GDNF: variants seen among roughly 807,000 people sequenced by gnomAD.
GDNF encodes the protein glial cell derived neurotrophic factor.
Under a neutral mutation model 13.7 loss-of-function variants are expected in GDNF, and 5 were observed. The observed-to-expected ratio is 0.36, with a 90% confidence interval of 0.19 to 0.77. The LOEUF (loss-of-function observed/expected upper bound fraction) is 0.77. Ranked by LOEUF, GDNF falls within the 30% of genes least tolerant of loss-of-function variation. The pLI, the probability that GDNF is intolerant of heterozygous loss-of-function variation, is 0.51. For missense variants in GDNF, 246 were observed against 274.3 expected (o/e 0.90, Z 0.73); for synonymous variants, 122 against 112.5 (o/e 1.08, Z -0.53).
At chr5:37,824,724 C>T (rs1256526013) in intron 2 of GDNF, among the ~76,000 whole-genome samples, 1 of 152,228 alleles carries the variant, frequency 6.6e-6, no homozygotes, top group East Asian at 1.9e-4. Flanking sequence ...ACACAGAATT[C>T]ATCTAGTGTT....
intron 2 of GDNF, among the ~76,000 whole-genome samples, chr5:37,831,472 G>A (rs1006121607): frequency 2.6e-5 from 4 of 152,220 alleles, no homozygotes; most frequent in Non-Finnish European, 5.9e-5. Context: ...TTAGAGTTGA[G>A]ATAAGGAATA....
Position 37,838,385 on chromosome 5 carries a change from G to C in GDNF, c.-27+1122C>G, listed in dbSNP as rs570540899. ...CGGCTTTGACGGCTTTGCGGGACTG[G>C]GTGCGTGAATGAGGTTGGAAGAAAC... is the stretch of plus-strand genomic sequence containing the variant. On this transcript the variant is annotated intron_variant, in intron 1 of 2. Coordinates refer to ENST00000326524, the MANE Select transcript of GDNF (RefSeq NM_000514.4). This position sits in a 1 kb window ranked among gnomAD's most constrained non-coding sequence, Gnocchi z 4.1. 1.3e-4 allele frequency among the ~76,000 whole-genome samples: 20 copies of C among 152,346 alleles called. No homozygotes were observed. Among genetic ancestry groups the C allele is most frequent in the African/African-American group, 4.8e-4 (20 of 41,576 alleles).
chr5:37,831,229 T>C (rs1436654067), intron 2 of GDNF, among the ~76,000 whole-genome samples: 1 of 152,202 alleles, frequency 6.6e-6, no homozygotes, highest in East Asian at 1.9e-4. Flanking sequence ...CTTACTGGAC[T>C]GAGGTTCTTT....
Position 37,814,782 on chromosome 5 carries a change from G to A in GDNF, c.*869C>T, listed in dbSNP as rs1719749519. The A allele has an allele frequency of 6.6e-6, 1 of 152,212 alleles. No homozygotes were observed. The highest frequency in any genetic ancestry group is 2.1e-4 in the South Asian group (1 of 4,836). The allele number at this position is 152,212 out of a possible 1,614,324, so 9.4% of individuals were successfully genotyped here. A position where few individuals can be genotyped will look rare whatever the true frequency, so the allele number is the denominator to read the frequency against. On this transcript the variant is annotated 3_prime_UTR_variant, in exon 3 of 3. Coordinates refer to ENST00000326524, the MANE Select transcript of GDNF (RefSeq NM_000514.4). ...TGGTCACTGGTGACCACGCATCAAC[G>A]GAGCTGGTTATGTAACATCTGTCTC...
chr5:37,827,116 T>C (rs563390280), intron 2 of GDNF, among the ~76,000 whole-genome samples: 1 of 151,648 alleles, frequency 6.6e-6, no homozygotes, highest in East Asian at 1.9e-4. Flanking sequence ...CAAATGTCAA[T>C]GTCATGCGGG....
chr5:37,819,362 G>C (rs955164666), intron 2 of GDNF, among the ~76,000 whole-genome samples: 1 of 151,700 alleles, frequency 6.6e-6, no homozygotes, highest in African/African-American at 2.4e-5. Flanking sequence ...TTAACTCTCA[G>C]TGCCCACCTC....
At position 37,837,440 on chromosome 5, in the gene GDNF, A is replaced by C. The variant is rs1328017944; in HGVS notation, c.-27+2067T>G. Among the ~76,000 whole-genome samples the C allele has an allele frequency of 1.3e-5, 2 of 152,006 alleles. No homozygotes were observed. Among genetic ancestry groups the C allele is most frequent in the Non-Finnish European group, 2.9e-5 (2 of 67,988 alleles). On this transcript the variant is annotated intron_variant, in intron 1 of 2. Coordinates refer to ENST00000326524, the MANE Select transcript of GDNF (RefSeq NM_000514.4). The surrounding 1 kb of genome is among the most constrained non-coding windows in gnomAD (Gnocchi z 6.5). ...CACGTCCCGGCAGGGCAAAAGCAGC[A>C]GGCCGTGGGCGCCGGCACCTGTGGG...
In GDNF at chr5:37,815,911, T is replaced by G; in HGVS notation, c.376A>C (p.Asn126His). The G allele has an allele frequency of 6.2e-7, 1 of 1,614,166 alleles. No individual in the cohort carries two copies. The highest frequency in any genetic ancestry group is 8.5e-7 in the Non-Finnish European group (1 of 1,180,028). The change falls in exon 3 of 3, where the codon AAT becomes CAT. Residue 126 changes from asparagine (N) to histidine (H), a missense_variant. By Grantham distance (68) the Asn-to-His change is moderately conservative. Coordinates refer to ENST00000326524, the MANE Select transcript of GDNF (RefSeq NM_000514.4). The surrounding 1 kb of genome is among the most constrained non-coding windows in gnomAD (Gnocchi z 5.0). Reference sequence around the variant, plus strand: ...TAGCCCAGACCCAAGTCAGTGACATTTAAATGTATTGCAGTTAAGACACAA... The same window carrying G: ...TAGCCCAGACCCAAGTCAGTGACATGTAAATGTATTGCAGTTAAGACACAA... Reference protein sequence around the residue: ...RGCVLTAIHLNVTDLGLGYET... With the variant: ...RGCVLTAIHLHVTDLGLGYET...
rs75822266 is a variant in GDNF, at chr5:37,819,202, G to A, written c.152-3067C>T. On this transcript the variant is annotated intron_variant, in intron 2 of 2. Transcript: ENST00000326524. ...TGGGACTTTAGCTGAAAACTGCATC[G>A]TTATGAAATGAAATGCTCCAAAGTA... Among the ~76,000 whole-genome samples, 1,397 of 152,074 alleles carry A rather than the reference G, an allele frequency of 9.2e-3. 27 individuals carry two copies. Among genetic ancestry groups the A allele is most frequent in the African/African-American group, 0.032 (1,341 of 41,470 alleles).
At chr5:37,830,837 G>T (rs1427252544) in intron 2 of GDNF, among the ~76,000 whole-genome samples, 3 of 152,234 alleles carry the variant, frequency 2.0e-5, no homozygotes, top group Non-Finnish European at 1.5e-5. Context: ...CAGTTAAGTG[G>T]CAAGGCTGGG....
intron 2 of GDNF, among the ~76,000 whole-genome samples, chr5:37,825,573 C>G (rs1750282527): frequency 1.3e-5 from 2 of 152,154 alleles, no homozygotes; most frequent in African/African-American, 4.8e-5. Context: ...GAGAAAGTTA[C>G]CCAGTAAAAT....
chr5:37,824,062 T>C, intron 2 of GDNF: 5 of 983,462 alleles, frequency 5.1e-6, no homozygotes, highest in Non-Finnish European at 6.0e-6. Context: ...CAATCTTCTC[T>C]TAAATCATCA....
At chr5:37,827,618 C>A (rs1249078998) in intron 2 of GDNF, among the ~76,000 whole-genome samples, 1 of 152,218 alleles carries the variant, frequency 6.6e-6, no homozygotes, top group African/African-American at 2.4e-5. Flanking sequence ...TCTGACTGTT[C>A]ACCTATCCAT....
At chr5:37,835,835 C>G (rs2111727092) in intron 1 of GDNF, 2 of 661,444 alleles carry the variant, frequency 3.0e-6, no homozygotes, top group East Asian at 5.4e-5. Context: ...TGGAGGTGCT[C>G]TGGCACTGGA....
intron 2 of GDNF, among the ~76,000 whole-genome samples, chr5:37,828,368 G>C (rs556832064): frequency 4.6e-5 from 7 of 152,306 alleles, no homozygotes; most frequent in Admixed American, 1.3e-4. Context: ...ATCCTGATCT[G>C]GACTTTGAAG....
In GDNF at chr5:37,837,997, T is replaced by G. The variant is rs1419405567; in HGVS notation, c.-27+1510A>C. Among the ~76,000 whole-genome samples the G allele has an allele frequency of 3.6e-5, 4 of 111,992 alleles. No homozygotes were observed. In the South Asian group the frequency reaches 7.7e-4, roughly 21 times the overall value. 73.5% of individuals were successfully genotyped at this position (111,992 alleles called of 152,430 possible). On this transcript the variant is annotated intron_variant, in intron 1 of 2. Coordinates refer to ENST00000326524, the MANE Select transcript of GDNF (RefSeq NM_000514.4). The surrounding 1 kb of genome is among the most constrained non-coding windows in gnomAD (Gnocchi z 6.5). The stretch of plus-strand genomic sequence containing the variant: ...AGACGGGTTTGCTATAAACTCGGTT[T>G]TTTTTTTTTTTTTTTTGGCGGGGGG...
In GDNF at chr5:37,837,283, A is replaced by C. The variant is rs950400681; in HGVS notation, c.-27+2224T>G. Among the ~76,000 whole-genome samples, 2 of 152,136 alleles carry C rather than the reference A, an allele frequency of 1.3e-5. No individual in the cohort carries two copies. The highest frequency in any genetic ancestry group is 4.8e-5 in the African/African-American group (2 of 41,442). On this transcript the variant is annotated intron_variant, in intron 1 of 2. Transcript: ENST00000326524. The surrounding 1 kb of genome is among the most constrained non-coding windows in gnomAD (Gnocchi z 6.5). ...AACCATGGGCCTTTGCCCGCGGTGCAAACTGCTTTACGCGCCGCCACGTGC... is the reference window on the plus strand; with the variant it reads ...AACCATGGGCCTTTGCCCGCGGTGCCAACTGCTTTACGCGCCGCCACGTGC...
rs1370866634 is a variant in GDNF at position 37,813,536 on chromosome 5, C to T, written c.*2115G>A. The T allele has an allele frequency of 2.0e-5, 3 of 149,626 alleles. No homozygotes were observed. The highest frequency in any genetic ancestry group is 4.9e-5 in the African/African-American group (2 of 40,466). The allele number at this position is 149,626 out of a possible 1,614,324, so 9.3% of individuals were successfully genotyped here. A position where few individuals can be genotyped will look rare whatever the true frequency, so the allele number is the denominator to read the frequency against. On this transcript the variant is annotated 3_prime_UTR_variant, in exon 3 of 3. Transcript: ENST00000326524. Reference sequence around the variant, plus strand: ...ATGGAGGAGGTGGCTGTTCCCGCCCCTATGCTTCCTCCTGCTCCAACCTCT... The same window carrying T: ...ATGGAGGAGGTGGCTGTTCCCGCCCTTATGCTTCCTCCTGCTCCAACCTCT...
At chr5:37,826,391 A>G (rs1226292537) in intron 2 of GDNF, among the ~76,000 whole-genome samples, 1 of 152,184 alleles carries the variant, frequency 6.6e-6, no homozygotes, top group Non-Finnish European at 1.5e-5. Context: ...ACAAAGCAAG[A>G]TTGCCCAAAA....
Sources: allele counts gnomAD v4.1 joint callset (sites outside exome capture counted in the v4.1 genomes callset), GRCh38; gene constraint gnomAD v4.1.1; non-coding constraint Gnocchi (gnomAD v3.1); transcripts MANE v1.5; gene names NCBI Gene and HGNC (gene_info 2026-07-23, HGNC 2026-07-21).